BMPR1A: variants seen among roughly 807,000 people sequenced by gnomAD.
BMPR1A encodes the protein bone morphogenetic protein receptor type-1A.
BMPR1A carries 7 observed loss-of-function variants against 66.0 expected under a neutral mutation model. The observed-to-expected ratio is 0.11, with a 90% CI of 0.06 to 0.20. BMPR1A has a LOEUF of 0.20. Among genes scored for constraint, BMPR1A ranks in the 10% least tolerant of loss-of-function variants. The pLI, the probability that BMPR1A is intolerant of heterozygous loss-of-function variation, is 1.00. For missense variants in BMPR1A, 408 were observed against 669.1 expected (o/e 0.61, Z 4.31); for synonymous variants, 200 against 229.7 (o/e 0.87, Z 1.17).
chr10:86,884,706 C>T (rs1333098606), intron 3 of BMPR1A, among the ~76,000 whole-genome samples: 6 of 152,030 alleles, frequency 3.9e-5, no homozygotes, highest in Admixed American at 1.3e-4. Context: ...TGAGCCACCG[C>T]GCCTGGCCAA....
chr10:86,931,298 C>CACACACATATATATATATATATATATAT, downstream of BMPR1A: 11 of 90,898 alleles, frequency 1.2e-4, no homozygotes, highest in East Asian at 1.8e-3. Flanking sequence ...CACACACACA[C>CACACACATATATATATATATATATATAT]ATATATATAT....
intron 8 of BMPR1A, among the ~76,000 whole-genome samples, 174 bp downstream of exon 8, chr10:86,912,558 A>T (rs2133547718): frequency 6.6e-6 from 1 of 152,344 alleles, no homozygotes; most frequent in Non-Finnish European, 1.5e-5. Flanking sequence ...AATAAGAAAT[A>T]TGAACCAAGA....
At chr10:86,870,931 G>A (rs1252305507) in intron 2 of BMPR1A, among the ~76,000 whole-genome samples, 1 of 152,090 alleles carries the variant, frequency 6.6e-6, no homozygotes, top group Admixed American at 6.6e-5. Context: ...GTCAGATGAT[G>A]CCCACTTAGG....
chr10:86,785,802 G>A (rs2132736458), intron 1 of BMPR1A, among the ~76,000 whole-genome samples: 1 of 152,206 alleles, frequency 6.6e-6, no homozygotes, highest in South Asian at 2.1e-4. Flanking sequence ...GGGTGCTCTG[G>A]TTCTGCACTT....
chr10:86,892,095 G>A, intron 4 of BMPR1A, 32 bp from the exon 5 acceptor site: 1 of 1,546,540 alleles, frequency 6.5e-7, no homozygotes, highest in East Asian at 2.3e-5. Flanking sequence ...GTGAATTTAT[G>A]TTTTGTTTTG....
At chr10:86,921,257 A>C (rs1284032883) in intron 10 of BMPR1A, among the ~76,000 whole-genome samples, 1 of 152,132 alleles carries the variant, frequency 6.6e-6, no homozygotes, top group Non-Finnish European at 1.5e-5. Flanking sequence ...GCCCTTATCC[A>C]GTTGAGGAGG....
rs1262984696 is a variant in BMPR1A at position 86,876,425 on chromosome 10, C to T, written c.67+340C>T. ...AAGACAGGGTAATAGGTAGTCCAGG[C>T]TGAGCTTCAAAATTCCTCTCTCCTT... On this transcript the variant is annotated intron_variant, in intron 3 of 12. Transcript: ENST00000372037. Among the ~76,000 whole-genome samples the T allele has an allele frequency of 3.9e-5, 6 of 152,294 alleles. No individual in the cohort carries two copies. The East Asian group carries it at 5.8e-4, about 15-fold the overall frequency.
At chr10:86,835,303 C>T (rs145905713) in intron 1 of BMPR1A, among the ~76,000 whole-genome samples, 4,056 of 148,154 alleles carry the variant, frequency 0.027, 193 homozygotes, top group African/African-American at 0.096. Context: ...TGGTGGCTCA[C>T]GCCTGTAATC....
intron 2 of BMPR1A, among the ~76,000 whole-genome samples, chr10:86,858,579 A>G (rs1456183643): frequency 1.3e-5 from 2 of 152,208 alleles, no homozygotes; most frequent in Non-Finnish European, 2.9e-5. Context: ...AGAACTGATA[A>G]ATGAATTTAG....
chr10:86,851,113 C>T (rs952822366), intron 2 of BMPR1A, among the ~76,000 whole-genome samples: 10 of 152,178 alleles, frequency 6.6e-5, no homozygotes, highest in Non-Finnish European at 1.5e-4. Flanking sequence ...AATTTCTGTT[C>T]TCTGATGTCT....
At chr10:86,814,827 C>G (rs1842012817) in intron 1 of BMPR1A, among the ~76,000 whole-genome samples, 1 of 152,028 alleles carries the variant, frequency 6.6e-6, no homozygotes, top group African/African-American at 2.4e-5. Context: ...ACTCTGTCGC[C>G]TGGGCTGGAG....
At chr10:86,768,200 T>C (rs1317495233) in intron 1 of BMPR1A, among the ~76,000 whole-genome samples, 3 of 152,194 alleles carry the variant, frequency 2.0e-5, no homozygotes, top group Non-Finnish European at 2.9e-5. Context: ...CAAATTGATA[T>C]TTTTCTGGCT....
chr10:86,918,854 C>T (rs1487992640), intron 9 of BMPR1A, among the ~76,000 whole-genome samples: 2 of 152,150 alleles, frequency 1.3e-5, no homozygotes, highest in Non-Finnish European at 2.9e-5. Context: ...AGCTCCTGAC[C>T]TCAAGTGATC....
intron 7 of BMPR1A, among the ~76,000 whole-genome samples, chr10:86,910,871 C>G (rs951798675): frequency 1.3e-5 from 2 of 151,996 alleles, no homozygotes; most frequent in Non-Finnish European, 2.9e-5. Flanking sequence ...TTTGGGAGGC[C>G]AAAGCAGGAG....
chr10:86,782,291 C>CA (rs1386137355), intron 1 of BMPR1A, among the ~76,000 whole-genome samples: 18 of 152,128 alleles, frequency 1.2e-4, no homozygotes, highest in African/African-American at 4.3e-4. Flanking sequence ...CTGCAGTGGA[C>CA]AAGAGTATGT....
intron 1 of BMPR1A, among the ~76,000 whole-genome samples, chr10:86,815,053 G>T (rs994694477): frequency 6.6e-6 from 1 of 152,294 alleles, no homozygotes; most frequent in African/African-American, 2.4e-5. Context: ...AAAGTACTGG[G>T]ATTACAGGCG....
chr10:86,809,966 ATATTAT>A (rs35115658), intron 1 of BMPR1A, among the ~76,000 whole-genome samples: 3 of 150,484 alleles, frequency 2.0e-5, no homozygotes, highest in Non-Finnish European at 3.0e-5. Flanking sequence ...TAGTTGCTGA[ATATTAT>A]TATTATTATT....
chr10:86,896,352 A>T (rs1452409250), intron 5 of BMPR1A, among the ~76,000 whole-genome samples: 1 of 152,166 alleles, frequency 6.6e-6, no homozygotes, highest in Non-Finnish European at 1.5e-5. Context: ...TTTAATGAAG[A>T]TTGTAACATA....
intron 1 of BMPR1A, among the ~76,000 whole-genome samples, chr10:86,787,069 C>A (rs560355795): frequency 6.6e-6 from 1 of 152,188 alleles, no homozygotes; most frequent in East Asian, 1.9e-4. Context: ...AGTGAAATTG[C>A]CATCTAATGT....
Sources: allele counts gnomAD v4.1 joint callset (sites outside exome capture counted in the v4.1 genomes callset), GRCh38; gene constraint gnomAD v4.1.1; transcripts MANE v1.5; gene names NCBI Gene and HGNC (gene_info 2026-07-23, HGNC 2026-07-21).